Variants in WDR17 observed in about 807,000 individuals in gnomAD.
The protein encoded by WDR17 is WD repeat-containing protein 17.
WDR17 carries 143 observed loss-of-function variants against 161.7 expected under a neutral mutation model. The observed-to-expected ratio is 0.88, with a 90% CI of 0.77 to 1.02. The LOEUF (loss-of-function observed/expected upper bound fraction) is 1.02. WDR17 is among the 50% of genes least tolerant of loss of function. The pLI is 0.00. For missense variants in WDR17, 1,469 were observed against 1,520.9 expected, an observed-to-expected ratio of 0.97 and a Z score of 0.57; for synonymous variants, 517 against 515.6, an observed-to-expected ratio of 1.00 and a Z score of -0.04.
In WDR17 at chr4:176,131,659, A is replaced by T. The variant is rs751737915; in HGVS notation, c.1019A>T (p.His340Leu). Residue 340 changes from histidine to leucine, a missense_variant, in exon 7 of 29, where the codon CAT (histidine) becomes CTT (leucine). Transcript: ENST00000508596. ...CAAGCATTTTCTCTTCCTCCTGGTC[A>T]TGCAGTGTGTTGTTTCTTGGATGGT... Reference protein sequence around the residue: ...QNQAFSLPPGHAVCCFLDGGV... With the variant: ...QNQAFSLPPGLAVCCFLDGGV... The T allele has an allele frequency of 3.7e-6, 6 of 1,613,808 alleles. No individual in the cohort carries two copies. Among genetic ancestry groups the T allele is most frequent in the Non-Finnish European group, 3.4e-6 (4 of 1,179,844 alleles).
chr4:176,170,677 C>T (rs1441676724), intron 23 of WDR17, among the ~76,000 whole-genome samples: 2 of 152,140 alleles, frequency 1.3e-5, no homozygotes, highest in East Asian at 1.9e-4. Context: ...TAGCTAAGAC[C>T]GCTTTTAATG....
At chr4:176,154,745 G>A (rs900102015) in intron 17 of WDR17, among the ~76,000 whole-genome samples, 1 of 152,000 alleles carries the variant, frequency 6.6e-6, no homozygotes, top group Non-Finnish European at 1.5e-5. Context: ...AAAATTTAAC[G>A]TATTATTTTC....
intron 1 of WDR17, among the ~76,000 whole-genome samples, chr4:176,068,035 A>G (rs771181725): frequency 1.3e-5 from 2 of 152,206 alleles, no homozygotes; most frequent in Non-Finnish European, 2.9e-5. Flanking sequence ...ATATTCCAGA[A>G]TTTCTTTGAA....
chr4:176,087,235 C>T (rs868333828), intron 1 of WDR17, among the ~76,000 whole-genome samples: 1 of 151,896 alleles, frequency 6.6e-6, no homozygotes. Context: ...GGTCTACTAG[C>T]AATGAATTTA....
chr4:176,158,806 C>G (rs1405877741), intron 18 of WDR17, among the ~76,000 whole-genome samples: 2 of 152,154 alleles, frequency 1.3e-5, no homozygotes, highest in Non-Finnish European at 2.9e-5. Context: ...GCCTCTTAGC[C>G]ATGTAGCTGC....
At chr4:176,150,804 A>T (rs181533923) in intron 16 of WDR17, among the ~76,000 whole-genome samples, 1 of 152,358 alleles carries the variant, frequency 6.6e-6, no homozygotes, top group East Asian at 1.9e-4. Context: ...GTTGAGTCTC[A>T]TGAAATTCCT....
intron 18 of WDR17, among the ~76,000 whole-genome samples, chr4:176,159,313 G>GGAGA (rs149384853): frequency 0.075 from 10,770 of 143,748 alleles, 897 homozygotes; most frequent in African/African-American, 0.21. Flanking sequence ...ACACACAGAT[G>GGAGA]GAGAGAGAGA....
chr4:176,126,983 T>A lies in WDR17; in HGVS notation c.790+1628T>A, dbSNP rs992659652. On this transcript the variant is annotated intron_variant, in intron 5 of 28. Coordinates refer to ENST00000508596, the MANE Select transcript of WDR17 (RefSeq NM_181265.4). ...CTCCTCAGCCATGCAGAACTGTGAG[T>A]CAATTAAACCTCTTTTCTTTATAAA... 1.5e-3 allele frequency among the ~76,000 whole-genome samples: 231 copies of A among 152,314 alleles called. 1 individual carries two copies. Among genetic ancestry groups the A allele is most frequent in the African/African-American group, 5.4e-3 (223 of 41,568 alleles).
chr4:176,181,265 G>C lies in WDR17; in HGVS notation c.*1686G>C, dbSNP rs1752127274. 1 of 152,048 alleles carries C rather than the reference G, an allele frequency of 6.6e-6. No individual in the cohort carries two copies. 9.4% of individuals were successfully genotyped at this position (152,048 alleles called of 1,614,324 possible). A position where few individuals can be genotyped will look rare whatever the true frequency, so the allele number is the denominator to read the frequency against. ...GGGCAGATCTTGAGGTCGGTAGATGGAGACCATCCTGGCCAACATGGTGAA... is the reference window on the plus strand; with the variant it reads ...GGGCAGATCTTGAGGTCGGTAGATGCAGACCATCCTGGCCAACATGGTGAA... On this transcript the variant is annotated 3_prime_UTR_variant, in exon 29 of 29. Coordinates refer to ENST00000508596, the MANE Select transcript of WDR17 (RefSeq NM_181265.4).
At chr4:176,102,036 T>G (rs1436021395) in intron 1 of WDR17, among the ~76,000 whole-genome samples, 3 of 152,140 alleles carry the variant, frequency 2.0e-5, no homozygotes, top group Admixed American at 2.0e-4. Context: ...TTTATTAAAA[T>G]GAAAATCTTC....
intron 7 of WDR17, among the ~76,000 whole-genome samples, chr4:176,133,168 A>C (rs1435057489): frequency 5.5e-5 from 8 of 144,208 alleles, no homozygotes; most frequent in South Asian, 4.4e-4. Flanking sequence ...GAAAAAAAAA[A>C]CAATTTTTTA....
intron 3 of WDR17, 79 bp downstream of exon 3, chr4:176,116,058 CT>C (rs1740576728): frequency 7.3e-7 from 1 of 1,366,778 alleles, no homozygotes; most frequent in Non-Finnish European, 9.8e-7. Context: ...ATTAGTTCAG[CT>C]TTTAAAATGT....
rs1738500257 is a variant in WDR17, at chr4:176,105,140, A to G, written c.-6-6435A>G. ...TCAAAAAAGTTCAGAAAAGTCAAAG[A>G]AGGACACTATATATTAATAAAGTTT... On this transcript the variant is annotated intron_variant, in intron 1 of 28. Coordinates refer to ENST00000508596, the MANE Select transcript of WDR17 (RefSeq NM_181265.4). Among the ~76,000 whole-genome samples the G allele has an allele frequency of 2.0e-5, 3 of 152,148 alleles. No individual in the cohort carries two copies. The South Asian group carries it at 6.2e-4, about 32-fold the overall frequency.
chr4:176,074,057 T>G (rs532689970), intron 1 of WDR17, among the ~76,000 whole-genome samples: 1 of 151,766 alleles, frequency 6.6e-6, no homozygotes, highest in Non-Finnish European at 1.5e-5. Context: ...AGGTTGCCTG[T>G]TCACTCTGAT....
Position 176,168,660 on chromosome 4 carries a change from T to C in WDR17, c.2991-12T>C, listed in dbSNP as rs1488242312. 1 of 1,613,392 alleles carries C rather than the reference T, an allele frequency of 6.2e-7. No individual in the cohort carries two copies. Among genetic ancestry groups the C allele is most frequent in the Admixed American group, 1.7e-5 (1 of 59,990 alleles). On this transcript the variant is annotated splice_polypyrimidine_tract_variant and intron_variant, in intron 22 of 28. Transcript: ENST00000508596. ...CTCCTCAATGAAGTGTCCCCTTTTG[T>C]TACGTTAACAGGAATTTGGCAGCTG...
chr4:176,179,363 T>A, intron 28 of WDR17, 97 bp from the exon 29 acceptor site: 3 of 1,231,534 alleles, frequency 2.4e-6, no homozygotes, highest in Non-Finnish European at 3.2e-6. Flanking sequence ...CTAAATATTA[T>A]GTTTTTTTTT....
Position 176,151,800 on chromosome 4 carries a change from T to G in WDR17, c.2305-12T>G. 2 of 1,549,132 alleles carry G rather than the reference T, an allele frequency of 1.3e-6. No homozygotes were observed. Among genetic ancestry groups the G allele is most frequent in the Non-Finnish European group, 1.7e-6 (2 of 1,153,726 alleles). On this transcript the variant is annotated splice_polypyrimidine_tract_variant and intron_variant, in intron 16 of 28. Transcript: ENST00000508596. ...CAAATTTTTTTAAATTCTATTTTCT[T>G]TTTAAAACCAGTCTGAAGCTCAAGA...
intron 25 of WDR17, among the ~76,000 whole-genome samples, chr4:176,173,670 C>T (rs1205809232): frequency 1.3e-5 from 2 of 152,118 alleles, no homozygotes; most frequent in African/African-American, 4.8e-5. Flanking sequence ...GCGCCCGCCA[C>T]CATGCCTGGC....
Position 176,125,245 on chromosome 4 carries a change from T to C in WDR17, c.680T>C (p.Val227Ala), listed in dbSNP as rs767037019. 6.2e-7 allele frequency: 1 copy of C among 1,614,194 alleles called. No individual in the cohort carries two copies. The highest frequency in any genetic ancestry group is 8.5e-7 in the Non-Finnish European group (1 of 1,180,028). The change falls in exon 5 of 29, where the codon GTA (valine) becomes GCA (alanine). Residue 227 changes from valine to alanine, a missense_variant. Coordinates refer to ENST00000508596, the MANE Select transcript of WDR17 (RefSeq NM_181265.4). ...VVNLHYGIRL[V>A]DSESLSCITT... ...AATTTGCATTATGGAATTCGCCTGGTAGATTCTGAATCACTTTCTTGCATA... is the reference window on the plus strand; with the variant it reads ...AATTTGCATTATGGAATTCGCCTGGCAGATTCTGAATCACTTTCTTGCATA...
Sources: gnomAD v4.1 joint callset for allele counts (sites outside exome capture counted in the v4.1 genomes callset) on GRCh38, gnomAD v4.1.1 for gene constraint, MANE v1.5 for transcripts, NCBI Gene and HGNC (gene_info 2026-07-23, HGNC 2026-07-21) for gene names.